The following ARNT2 variants were observed in gnomAD, a reference collection of about 807,000 sequenced individuals.
ARNT2 encodes aryl hydrocarbon receptor nuclear translocator 2, also known as ARNT protein 2.
In ARNT2, 36 loss-of-function variants were observed where a neutral mutation model predicts 91.7. The ratio of observed to expected loss-of-function variants is 0.39; its 90% CI spans 0.30 to 0.52. ARNT2 has a LOEUF of 0.52. Ranked by LOEUF, ARNT2 falls within the 20% of genes least tolerant of loss-of-function variation. The pLI, the probability that ARNT2 is intolerant of heterozygous loss-of-function variation, is 0.72. For missense variants in ARNT2, 775 were observed against 939.3 expected (o/e 0.83, Z 2.29); for synonymous variants, 365 against 347.1 (o/e 1.05, Z -0.57).
At chr15:80,462,389 T>C (rs1398629162) in intron 3 of ARNT2, among the ~76,000 whole-genome samples, 1 of 152,230 alleles carries the variant, frequency 6.6e-6, no homozygotes, top group Non-Finnish European at 1.5e-5. Flanking sequence ...TGTGAATGTA[T>C]GCGTAATGTG....
At chr15:80,512,859 C>G (rs1897365343) in intron 6 of ARNT2, among the ~76,000 whole-genome samples, 1 of 152,196 alleles carries the variant, frequency 6.6e-6, no homozygotes, top group Non-Finnish European at 1.5e-5. Context: ...CAGGTCCATA[C>G]TGCCTGTGTT....
chr15:80,531,781 C>T (rs1897744651), intron 8 of ARNT2, among the ~76,000 whole-genome samples: 1 of 152,140 alleles, frequency 6.6e-6, no homozygotes, highest in Admixed American at 6.5e-5. Flanking sequence ...AATGTCAGAG[C>T]CAAAGAGAAC....
intron 17 of ARNT2, among the ~76,000 whole-genome samples, chr15:80,590,816 G>A (rs764400035): frequency 6.6e-6 from 1 of 152,156 alleles, no homozygotes; most frequent in African/African-American, 2.4e-5. Context: ...TGTATAAACT[G>A]TAGACAGAAG....
chr15:80,446,003 T>C (rs1896297471), intron 1 of ARNT2, among the ~76,000 whole-genome samples: 1 of 152,004 alleles, frequency 6.6e-6, no homozygotes. Context: ...TGTTAGCATC[T>C]GTGTGTGTGT....
chr15:80,436,873 C>A (rs1215564895), intron 1 of ARNT2, among the ~76,000 whole-genome samples: 1 of 152,178 alleles, frequency 6.6e-6, no homozygotes, highest in African/African-American at 2.4e-5. Flanking sequence ...CTTGACTCAC[C>A]TTGTCTGTTA....
At chr15:80,488,057 C>T (rs1321452528) in intron 5 of ARNT2, among the ~76,000 whole-genome samples, 2 of 152,164 alleles carry the variant, frequency 1.3e-5, no homozygotes, top group African/African-American at 4.8e-5. Flanking sequence ...AAGCCGCTTC[C>T]CTCTAAACAA....
chr15:80,428,933 G>A (rs1895971025), intron 1 of ARNT2, among the ~76,000 whole-genome samples: 1 of 152,236 alleles, frequency 6.6e-6, no homozygotes, highest in East Asian at 1.9e-4. Context: ...ATATACGATC[G>A]ATCTGATACA....
chr15:80,441,134 C>A, intron 1 of ARNT2: 2 of 832,606 alleles, frequency 2.4e-6, no homozygotes, highest in Non-Finnish European at 2.9e-6. Context: ...TTTTCAGAAC[C>A]TAAGCAGTTA....
chr15:80,590,396 A>G (rs903079645), intron 17 of ARNT2, among the ~76,000 whole-genome samples: 2 of 152,170 alleles, frequency 1.3e-5, no homozygotes, highest in African/African-American at 4.8e-5. Flanking sequence ...TTTAGACAAA[A>G]TTCCACTTAC....
chr15:80,536,891 T>C (rs1897834473), intron 8 of ARNT2, among the ~76,000 whole-genome samples: 1 of 152,048 alleles, frequency 6.6e-6, no homozygotes, highest in African/African-American at 2.4e-5. Context: ...GCTTTTGTGG[T>C]CATTTATCTT....
chr15:80,573,354 G>A (rs1046549835), intron 12 of ARNT2, among the ~76,000 whole-genome samples: 1 of 152,050 alleles, frequency 6.6e-6, no homozygotes, highest in Non-Finnish European at 1.5e-5. Context: ...TATTTTGCTT[G>A]AATTGTCTGT....
intron 6 of ARNT2, among the ~76,000 whole-genome samples, chr15:80,513,368 C>T (rs1017968427): frequency 6.6e-6 from 1 of 152,236 alleles, no homozygotes; most frequent in African/African-American, 2.4e-5. Flanking sequence ...ACGCTCTCCT[C>T]TGCCATCAGC....
intron 8 of ARNT2, among the ~76,000 whole-genome samples, chr15:80,523,585 A>G (rs1161952764): frequency 6.6e-6 from 1 of 151,974 alleles, no homozygotes; most frequent in Non-Finnish European, 1.5e-5. Flanking sequence ...TACCAGGCAA[A>G]TTTCTCTTCC....
intron 1 of ARNT2, among the ~76,000 whole-genome samples, chr15:80,411,556 A>G (rs575139552): frequency 5.6e-4 from 86 of 152,332 alleles, no homozygotes; most frequent in Middle Eastern, 3.4e-3. Flanking sequence ...AAATCCTACC[A>G]AGATAATCCC....
At chr15:80,457,178 T>G (rs1648732648) in intron 2 of ARNT2, among the ~76,000 whole-genome samples, 1 of 152,194 alleles carries the variant, frequency 6.6e-6, no homozygotes, top group African/African-American at 2.4e-5. Context: ...AGGTATTAGT[T>G]CAACAAATAT....
intron 17 of ARNT2, among the ~76,000 whole-genome samples, chr15:80,587,477 A>G (rs1359714731): frequency 6.6e-6 from 1 of 152,196 alleles, no homozygotes; most frequent in African/African-American, 2.4e-5. Flanking sequence ...TAGGACTTCC[A>G]AGCAGGACTT....
chr15:80,464,330 G>C (rs866451942), intron 3 of ARNT2, among the ~76,000 whole-genome samples: 1 of 151,576 alleles, frequency 6.6e-6, no homozygotes, highest in Non-Finnish European at 1.5e-5. Context: ...GGGGGTGGGG[G>C]GTTGCAAGGA....
At chr15:80,558,963 A>G (rs1042213912) in intron 11 of ARNT2, among the ~76,000 whole-genome samples, 5 of 152,144 alleles carry the variant, frequency 3.3e-5, no homozygotes, top group Admixed American at 2.0e-4. Flanking sequence ...GGCCAGACCC[A>G]TTTCATTATC....
intron 5 of ARNT2, among the ~76,000 whole-genome samples, chr15:80,478,292 C>T (rs771944865): frequency 6.5e-4 from 99 of 152,306 alleles, no homozygotes; most frequent in Non-Finnish European, 1.1e-3. Flanking sequence ...GCCAGGGAAG[C>T]GATGGTCAAG....
Sources: allele counts gnomAD v4.1 joint callset (sites outside exome capture counted in the v4.1 genomes callset), GRCh38; gene constraint gnomAD v4.1.1; transcripts MANE v1.5; gene names NCBI Gene and HGNC (gene_info 2026-07-23, HGNC 2026-07-21).